Variants in FRMD4A observed in about 807,000 individuals in gnomAD.
FRMD4A encodes FERM domain containing 4A, also known as FERM domain-containing protein 4A.
FRMD4A carries 29 observed loss-of-function variants against 129.1 expected under a neutral mutation model. The ratio of observed to expected loss-of-function variants is 0.22; its 90% CI spans 0.17 to 0.31. The LOEUF is 0.31. Among genes scored for constraint, FRMD4A ranks in the 10% least tolerant of loss-of-function variants. The pLI, the probability that FRMD4A is intolerant of heterozygous loss-of-function variation, is 1.00. For synonymous variants in FRMD4A, 634 were observed against 571.6 expected (o/e 1.11, Z -1.56); for missense variants, 1,272 against 1,375.8 (o/e 0.92, Z 1.19).
chr10:14,258,530 G>C (rs1289810334), intron 2 of FRMD4A, among the ~76,000 whole-genome samples: 1 of 152,192 alleles, frequency 6.6e-6, no homozygotes, highest in Non-Finnish European at 1.5e-5. Context: ...AATTGTTAAA[G>C]TTGAACAAAC....
chr10:13,972,203 T>A (rs2095522621), intron 2 of FRMD4A: 10 of 1,017,530 alleles, frequency 9.8e-6, no homozygotes, highest in African/African-American at 1.7e-5. Flanking sequence ...CCACCGAGTG[T>A]TGGGATCCCC....
chr10:13,910,540 C>T (rs976418082), intron 2 of FRMD4A, among the ~76,000 whole-genome samples: 3 of 152,184 alleles, frequency 2.0e-5, no homozygotes, highest in Non-Finnish European at 2.9e-5. Flanking sequence ...TGTTACTTAG[C>T]GATGGTTAAC....
intron 2 of FRMD4A, among the ~76,000 whole-genome samples, chr10:13,909,868 G>T (rs1197240529): frequency 6.6e-6 from 1 of 152,146 alleles, no homozygotes; most frequent in African/African-American, 2.4e-5. Context: ...TGTCAAAAGA[G>T]AAAATTTGAA....
At chr10:13,874,442 A>T (rs1162059238) in intron 2 of FRMD4A, among the ~76,000 whole-genome samples, 1 of 152,106 alleles carries the variant, frequency 6.6e-6, no homozygotes, top group African/African-American at 2.4e-5. Context: ...TAAGCCTAAA[A>T]GCAATGAATG....
chr10:14,131,401 C>CCCG (rs1011892585), intron 2 of FRMD4A, among the ~76,000 whole-genome samples: 5 of 151,672 alleles, frequency 3.3e-5, no homozygotes, highest in Non-Finnish European at 7.4e-5. Flanking sequence ...ACTGTGCCCC[C>CCCG]CCCGGCCGCC....
At chr10:14,275,352 A>G (rs930278249) in intron 2 of FRMD4A, among the ~76,000 whole-genome samples, 3 of 152,258 alleles carry the variant, frequency 2.0e-5, no homozygotes, top group Non-Finnish European at 4.4e-5. Context: ...ACACTGGACA[A>G]TGTTACATGG....
chr10:14,152,179 G>A (rs1375349862), intron 2 of FRMD4A, among the ~76,000 whole-genome samples: 1 of 132,208 alleles, frequency 7.6e-6, no homozygotes, highest in African/African-American at 2.9e-5. Flanking sequence ...CCAGGCTGGA[G>A]TGCAGTGGCA....
intron 13 of FRMD4A, among the ~76,000 whole-genome samples, chr10:13,706,277 C>T (rs1422975718): frequency 2.6e-5 from 4 of 152,126 alleles, no homozygotes; most frequent in Admixed American, 6.6e-5. Flanking sequence ...TAGGGAATTA[C>T]GCTGCTGTTT....
chr10:13,750,867 C>A (rs981555324), intron 8 of FRMD4A, among the ~76,000 whole-genome samples: 3 of 152,146 alleles, frequency 2.0e-5, no homozygotes, highest in Admixed American at 1.3e-4. Flanking sequence ...AATTTTTAAG[C>A]ACATGCTATA....
At chr10:14,100,484 A>G (rs1462182137) in intron 2 of FRMD4A, among the ~76,000 whole-genome samples, 1 of 152,166 alleles carries the variant, frequency 6.6e-6, no homozygotes, top group African/African-American at 2.4e-5. Flanking sequence ...GCTGTTTCAA[A>G]TGACTTTTCC....
chr10:13,947,216 C>T (rs78687450), intron 2 of FRMD4A, among the ~76,000 whole-genome samples: 32 of 152,224 alleles, frequency 2.1e-4, no homozygotes, highest in South Asian at 4.2e-4. Context: ...CAGTTGACTA[C>T]GTGGATGCTA....
intron 2 of FRMD4A, among the ~76,000 whole-genome samples, chr10:13,943,259 G>A (rs577216952): frequency 6.6e-6 from 1 of 152,246 alleles, no homozygotes; most frequent in South Asian, 2.1e-4. Flanking sequence ...CAGCAACGGT[G>A]CAGTGAGAGT....
chr10:13,875,216 C>T (rs563462602), intron 2 of FRMD4A, among the ~76,000 whole-genome samples: 3 of 152,248 alleles, frequency 2.0e-5, no homozygotes, highest in East Asian at 1.9e-4. Context: ...GGGAGCTAAT[C>T]GTCTGAGTGA....
intron 2 of FRMD4A, among the ~76,000 whole-genome samples, chr10:13,930,810 A>G (rs1017752376): frequency 2.6e-5 from 4 of 152,126 alleles, no homozygotes; most frequent in Admixed American, 2.6e-4. Flanking sequence ...TGTTATTTAG[A>G]AAGATTTATA....
At chr10:13,683,489 C>CA (rs752458029) in intron 15 of FRMD4A, among the ~76,000 whole-genome samples, 3 of 151,842 alleles carry the variant, frequency 2.0e-5, no homozygotes, top group Non-Finnish European at 4.4e-5. Flanking sequence ...CCCAGCTGCC[C>CA]AAAAGGCTGA....
intron 16 of FRMD4A, among the ~76,000 whole-genome samples, chr10:13,673,748 C>G (rs1399863876): frequency 6.8e-6 from 1 of 147,252 alleles, no homozygotes; most frequent in Non-Finnish European, 1.5e-5. Flanking sequence ...CTAGCACATA[C>G]ATAGGGTCGA....
intron 2 of FRMD4A, among the ~76,000 whole-genome samples, chr10:13,913,593 C>T (rs987139468): frequency 1.3e-5 from 2 of 152,160 alleles, no homozygotes; most frequent in Non-Finnish European, 1.5e-5. Flanking sequence ...GCCACATCTC[C>T]TGAGGCACGT....
chr10:13,664,059 A>C (rs1331786111), intron 18 of FRMD4A, among the ~76,000 whole-genome samples: 3 of 152,144 alleles, frequency 2.0e-5, no homozygotes, highest in Admixed American at 6.5e-5. Context: ...TAACCGGGAG[A>C]ACACACCCAA....
intron 2 of FRMD4A, among the ~76,000 whole-genome samples, chr10:14,131,913 G>A (rs375679731): frequency 1.3e-4 from 20 of 152,114 alleles, no homozygotes; most frequent in African/African-American, 3.6e-4. Context: ...CGCCCTGACC[G>A]AAGACCCCTG....
Sources: gnomAD v4.1 joint callset for allele counts (sites outside exome capture counted in the v4.1 genomes callset) on GRCh38, gnomAD v4.1.1 for gene constraint, MANE v1.5 for transcripts, NCBI Gene and HGNC (gene_info 2026-07-23, HGNC 2026-07-21) for gene names.